MID2: variants seen among roughly 807,000 people sequenced by gnomAD.
The protein encoded by MID2 is probable E3 ubiquitin-protein ligase MID2.
In MID2, 13 loss-of-function variants were observed where a neutral mutation model predicts 46.1. The observed-to-expected ratio is 0.28, with a 90% CI of 0.18 to 0.45. The LOEUF (loss-of-function observed/expected upper bound fraction) is 0.45, where lower values mean the gene tolerates loss of function less well. Ranked by LOEUF, MID2 falls within the 20% of genes least tolerant of loss-of-function variation. The pLI is 1.00. For synonymous variants in MID2, 199 were observed against 212.3 expected, an observed-to-expected ratio of 0.94 and a Z score of 0.55; for missense variants, 431 against 575.4, an observed-to-expected ratio of 0.75 and a Z score of 2.57.
chrX:107,850,141 G>C (rs1372489274), intron 2 of MID2, among the ~76,000 whole-genome samples: 1 of 110,692 alleles, frequency 9.0e-6, no homozygotes, highest in Non-Finnish European at 1.9e-5. Context: ...GAAGAGACAT[G>C]TTTACTTTTA....
chrX:107,843,493 C>T (rs1931393127), intron 2 of MID2, among the ~76,000 whole-genome samples: 1 of 111,740 alleles, frequency 8.9e-6, no homozygotes, highest in South Asian at 3.7e-4. Context: ...TGAATAGTTC[C>T]CCTTTCATAT....
intron 7 of MID2, among the ~76,000 whole-genome samples, chrX:107,917,976 A>G (rs1933001841): frequency 9.0e-6 from 1 of 111,259 alleles, no homozygotes; most frequent in African/African-American, 3.3e-5. Flanking sequence ...CCTTGCCACC[A>G]TCATTGCTGG....
intron 2 of MID2, among the ~76,000 whole-genome samples, chrX:107,848,162 A>G (rs1364480841): frequency 9.0e-6 from 1 of 110,970 alleles, no homozygotes; most frequent in Non-Finnish European, 1.9e-5. Context: ...CCAAGGATTG[A>G]GCCTTGCAGA....
intron 3 of MID2, among the ~76,000 whole-genome samples, chrX:107,873,122 G>A (rs1932113460): frequency 9.0e-6 from 1 of 111,615 alleles, no homozygotes; most frequent in Non-Finnish European, 1.9e-5. Flanking sequence ...TTATCACTCT[G>A]GAGGTACTTA....
chrX:107,911,371 A>C (rs1932895401), intron 5 of MID2, among the ~76,000 whole-genome samples: 1 of 110,988 alleles, frequency 9.0e-6, no homozygotes. Flanking sequence ...ATTTTCCATG[A>C]CTTTGTCTTC....
intron 3 of MID2, among the ~76,000 whole-genome samples, chrX:107,872,840 A>C (rs931395895): frequency 1.8e-5 from 2 of 111,897 alleles, no homozygotes; most frequent in Non-Finnish European, 3.8e-5. Context: ...GTCTAGCAAG[A>C]AATCATTCGT....
intron 3 of MID2, among the ~76,000 whole-genome samples, chrX:107,881,004 A>C (rs1932306363): frequency 8.8e-6 from 1 of 113,041 alleles, no homozygotes; most frequent in Non-Finnish European, 1.9e-5. Flanking sequence ...ATTTCCTAGA[A>C]GTGGAATTGA....
chrX:107,840,616 A>T (rs189860793), intron 1 of MID2, 54 bp from the exon 2 acceptor site: 1 of 959,924 alleles, frequency 1.0e-6, no homozygotes, highest in African/African-American at 1.9e-5. Context: ...TAATTGTGTT[A>T]TATCCATTTT....
intron 1 of MID2, among the ~76,000 whole-genome samples, chrX:107,838,921 A>T (rs1325704851): frequency 8.9e-6 from 1 of 111,801 alleles, no homozygotes; most frequent in East Asian, 2.8e-4. Context: ...AGCCTGGGCA[A>T]CATGGCAAAA....
At chrX:107,895,872 A>G (rs1255029773) in intron 3 of MID2, 4 of 112,016 alleles carry the variant, frequency 3.6e-5, no homozygotes, top group African/African-American at 1.3e-4. Flanking sequence ...TCTAGGCCCC[A>G]TATTTCTGTC....
At chrX:107,845,525 A>ACACACACACACTCTCTCT (rs1276957001) in intron 2 of MID2, among the ~76,000 whole-genome samples, 2 of 72,982 alleles carry the variant, frequency 2.7e-5, no homozygotes, top group African/African-American at 1.5e-4. Context: ...ACACACACAC[A>ACACACACACACTCTCTCT]CTCTCTCTCT....
At chrX:107,874,655 C>G (rs1922711090) in intron 3 of MID2, among the ~76,000 whole-genome samples, 1 of 112,263 alleles carries the variant, frequency 8.9e-6, no homozygotes, top group African/African-American at 3.2e-5. Context: ...GTCCCAGGTT[C>G]CCAAATTAGA....
At position 107,928,719 on chromosome X, in the gene MID2, TACTATTCTGTG is replaced by T. The variant is rs924479945; in HGVS notation, c.*1647_*1657del. Reference sequence around the variant, plus strand: ...ATGCTCTACCTGCTGCCAAATGGCTTACTATTCTGTGGAAGAAACAAAGTATATAATCCTCC... The same window carrying T: ...ATGCTCTACCTGCTGCCAAATGGCTTGAAGAAACAAAGTATATAATCCTCC... On this transcript the variant is annotated 3_prime_UTR_variant, in exon 10 of 10. Coordinates refer to ENST00000262843, the MANE Select transcript of MID2 (RefSeq NM_012216.4). Among the ~76,000 whole-genome samples the T allele has an allele frequency of 1.8e-4, 20 of 111,985 alleles. No individual in the cohort carries two copies. The Admixed American group carries it at 1.8e-3, about 10-fold the overall frequency.
intron 3 of MID2, among the ~76,000 whole-genome samples, chrX:107,873,415 G>A (rs892816270): frequency 9.0e-6 from 1 of 111,441 alleles, no homozygotes; most frequent in African/African-American, 3.3e-5. Flanking sequence ...ACTGTATCAG[G>A]TTTTTACCTG....
At chrX:107,848,423 A>G (rs1205943564) in intron 2 of MID2, among the ~76,000 whole-genome samples, 1 of 111,501 alleles carries the variant, frequency 9.0e-6, no homozygotes, top group African/African-American at 3.3e-5. Context: ...TAGAGATGTA[A>G]TCATGCTATG....
Position 107,924,483 on chromosome X carries a change from C to A in MID2, c.1576C>A (p.Pro526Thr). Residue 526 changes from proline to threonine, a missense_variant, in exon 8 of 10, where the codon CCT becomes ACT. Transcript: ENST00000262843. The part of the protein sequence containing the change: ...INQAGSRNSE[P>T]TRLKTNSQPF... ...CCAAGCCGGCAGCCGGAACAGTGAACCTACCCGACTAAAAACAAACAGTAC... is the reference window on the plus strand; with the variant it reads ...CCAAGCCGGCAGCCGGAACAGTGAAACTACCCGACTAAAAACAAACAGTAC... 1 of 1,211,420 alleles carries A rather than the reference C, an allele frequency of 8.3e-7. No homozygotes were observed. Among genetic ancestry groups the A allele is most frequent in the Non-Finnish European group, 1.1e-6 (1 of 895,190 alleles).
Position 107,926,829 on chromosome X carries a change from G to A in MID2, c.1964G>A (p.Gly655Asp), listed in dbSNP as rs1320945379. ...GTGCCCCCACACCTGAAGCGTCTGG[G>A]TGTCCTCCTGGATTATGACAACAAT... ...VDVPPHLKRL[G>D]VLLDYDNNML... Residue 655 changes from glycine (G) to aspartate (D), a missense_variant, in exon 10 of 10, where the codon GGT (glycine) becomes GAT (aspartate). Physicochemically the swap from Gly to Asp is moderately conservative, Grantham distance 94. Transcript: ENST00000262843. 1 of 1,211,422 alleles carries A rather than the reference G, an allele frequency of 8.3e-7. No individual in the cohort carries two copies. The highest frequency in any genetic ancestry group is 1.1e-6 in the Non-Finnish European group (1 of 895,252).
intron 3 of MID2, among the ~76,000 whole-genome samples, chrX:107,885,194 C>T (rs1932423887): frequency 1.8e-5 from 2 of 109,097 alleles, no homozygotes; most frequent in South Asian, 8.0e-4. Context: ...CATATGTATA[C>T]ATGTGCTGTG....
chrX:107,845,492 A>AACACAC (rs1177184448), intron 2 of MID2, among the ~76,000 whole-genome samples: 6 of 86,520 alleles, frequency 6.9e-5, no homozygotes, highest in Admixed American at 2.5e-4. Flanking sequence ...ATGGGAAAGT[A>AACACAC]ACACACACAC....
Sources: gnomAD v4.1 joint callset for allele counts (sites outside exome capture counted in the v4.1 genomes callset) on GRCh38, gnomAD v4.1.1 for gene constraint, MANE v1.5 for transcripts, NCBI Gene and HGNC (gene_info 2026-07-23, HGNC 2026-07-21) for gene names.